Variants in GABBR2 observed in about 807,000 individuals in gnomAD.
GABBR2 encodes the protein G-protein coupled receptor 51.
A neutral mutation model predicts 105.6 loss-of-function variants in GABBR2; 23 were observed. The observed-to-expected ratio is 0.22, with a 90% CI of 0.16 to 0.31. GABBR2 has a LOEUF of 0.31. Among genes scored for constraint, GABBR2 ranks in the 10% least tolerant of loss-of-function variants. The pLI, the probability that GABBR2 is intolerant of heterozygous loss-of-function variation, is 1.00. For missense variants in GABBR2, 734 were observed against 1,245.5 expected (o/e 0.59, Z 6.18); for synonymous variants, 478 against 499.7 (o/e 0.96, Z 0.58).
At position 98,509,813 on chromosome 9, in the gene GABBR2, C is replaced by T. The variant is rs371459958; in HGVS notation, c.631-13299G>A. Among the ~76,000 whole-genome samples, 24 of 152,192 alleles carry T rather than the reference C, an allele frequency of 1.6e-4. 1 individual carries two copies. Among genetic ancestry groups the T allele is most frequent in the South Asian group, 6.2e-4 (3 of 4,808 alleles). On this transcript the variant is annotated intron_variant, in intron 3 of 18. Transcript: ENST00000259455. ...GTCTGATTGGTGTACCTGAAAGTGA[C>T]GGGGAGAATGGAACCAAGTTGGAAA... is the stretch of plus-strand genomic sequence containing the variant.
At chr9:98,387,045 T>C (rs899998916) in intron 10 of GABBR2, among the ~76,000 whole-genome samples, 1 of 152,070 alleles carries the variant, frequency 6.6e-6, no homozygotes, top group African/African-American at 2.4e-5. Context: ...ACTACTTAGG[T>C]GCCTCAATTC....
rs973243832 is a variant in GABBR2 at position 98,630,211 on chromosome 9, C to A, written c.322-52139G>T. ...AAAGGATCACTGGGTGAGAAGCATC[C>A]AGAGAAGGCAGCCAAGCCCAAATCT... is the stretch of plus-strand genomic sequence containing the variant. On this transcript the variant is annotated intron_variant, in intron 1 of 18. Coordinates refer to ENST00000259455, the MANE Select transcript of GABBR2 (RefSeq NM_005458.8). Among the ~76,000 whole-genome samples, 4 of 152,252 alleles carry A rather than the reference C, an allele frequency of 2.6e-5. No homozygotes were observed. In the South Asian group the frequency reaches 8.3e-4, roughly 32 times the overall value.
chr9:98,589,741 A>C (rs1829121980), intron 1 of GABBR2, among the ~76,000 whole-genome samples: 1 of 134,484 alleles, frequency 7.4e-6, no homozygotes, highest in African/African-American at 2.8e-5. Flanking sequence ...TAAAGACAGG[A>C]TCTCCCTCTG....
intron 8 of GABBR2, 84 bp downstream of exon 8, chr9:98,405,997 C>A: frequency 1.3e-6 from 1 of 792,264 alleles, no homozygotes; most frequent in Non-Finnish European, 2.2e-6. Context: ...CACTTGCATT[C>A]CTTTTGATGT....
intron 1 of GABBR2, among the ~76,000 whole-genome samples, chr9:98,638,658 C>A (rs1310172755): frequency 1.3e-5 from 2 of 151,986 alleles, no homozygotes; most frequent in Admixed American, 6.6e-5. Context: ...TAGGATTAAA[C>A]AAGTTTTATT....
chr9:98,694,245 A>G (rs528254866), intron 1 of GABBR2, among the ~76,000 whole-genome samples: 2 of 152,276 alleles, frequency 1.3e-5, no homozygotes, highest in African/African-American at 4.8e-5. Flanking sequence ...TTTGAGGTCT[A>G]GGCCCCGCTG....
intron 3 of GABBR2, among the ~76,000 whole-genome samples, chr9:98,534,679 C>A (rs1588216317): frequency 6.6e-6 from 1 of 152,168 alleles, no homozygotes; most frequent in African/African-American, 2.4e-5. Context: ...AACAAGATAC[C>A]ACTGCACATC....
intron 7 of GABBR2, among the ~76,000 whole-genome samples, chr9:98,444,879 G>GCA (rs34280193): frequency 0.011 from 1,698 of 151,038 alleles, 10 homozygotes; most frequent in South Asian, 0.021. Context: ...GCGCGCGCGC[G>GCA]CACACACACA....
At chr9:98,500,826 A>C (rs1827383497) in intron 3 of GABBR2, among the ~76,000 whole-genome samples, 2 of 152,174 alleles carry the variant, frequency 1.3e-5, no homozygotes, top group Admixed American at 1.3e-4. Context: ...TGCACCAGTA[A>C]CACCAGCACC....
At chr9:98,349,341 G>A (rs1192240340) in intron 13 of GABBR2, among the ~76,000 whole-genome samples, 1 of 101,544 alleles carries the variant, frequency 9.8e-6, no homozygotes, top group Non-Finnish European at 2.0e-5. Context: ...ATATTTTGTT[G>A]AAGTTTTGTT....
chr9:98,406,240 C>T (rs983331540), intron 7 of GABBR2, 99 bp from the exon 8 acceptor site: 4 of 629,628 alleles, frequency 6.4e-6, no homozygotes, highest in East Asian at 6.1e-5. Context: ...CTGTACAATG[C>T]GATTATTAAT....
intron 7 of GABBR2, among the ~76,000 whole-genome samples, chr9:98,438,223 A>G (rs1289101154): frequency 2.6e-5 from 4 of 151,790 alleles, no homozygotes; most frequent in African/African-American, 9.7e-5. Context: ...ATCCATCTAT[A>G]TCTATACACC....
At chr9:98,606,756 A>T (rs1829428949) in intron 1 of GABBR2, 1 of 276,550 alleles carries the variant, frequency 3.6e-6, no homozygotes, top group South Asian at 3.9e-5. Flanking sequence ...CTGGGATTAC[A>T]GGCATGAGCC....
intron 13 of GABBR2, among the ~76,000 whole-genome samples, chr9:98,343,768 G>A (rs1360959733): frequency 6.6e-6 from 1 of 152,094 alleles, no homozygotes; most frequent in Non-Finnish European, 1.5e-5. Context: ...TGAGGCAGGA[G>A]AATGTCGTGA....
At chr9:98,323,201 T>C (rs1830855869) in intron 13 of GABBR2, among the ~76,000 whole-genome samples, 1 of 152,200 alleles carries the variant, frequency 6.6e-6, no homozygotes, top group African/African-American at 2.4e-5. Flanking sequence ...CTTCCAACAG[T>C]GTGCCCTGGT....
intron 4 of GABBR2, among the ~76,000 whole-genome samples, chr9:98,488,909 T>C (rs79388309): frequency 6.6e-6 from 1 of 152,344 alleles, no homozygotes; most frequent in East Asian, 1.9e-4. Context: ...AGGCAAGTTA[T>C]TAAACTTTCG....
At chr9:98,661,876 A>G (rs1476527192) in intron 1 of GABBR2, among the ~76,000 whole-genome samples, 2 of 152,180 alleles carry the variant, frequency 1.3e-5, no homozygotes, top group Admixed American at 6.5e-5. Context: ...AGCAGCCGGC[A>G]TCCAGTGTGG....
intron 8 of GABBR2, among the ~76,000 whole-genome samples, chr9:98,397,179 G>A (rs752299228): frequency 6.6e-6 from 1 of 152,176 alleles, no homozygotes; most frequent in Non-Finnish European, 1.5e-5. Flanking sequence ...CTGCATGCCA[G>A]GCTCAGCTCA....
chr9:98,378,190 C>T (rs572753343), intron 11 of GABBR2, among the ~76,000 whole-genome samples: 37 of 152,314 alleles, frequency 2.4e-4, no homozygotes, highest in Non-Finnish European at 4.9e-4. Context: ...GCAGCCTTTA[C>T]CTTTCTAGTT....
Sources: allele counts gnomAD v4.1 joint callset (sites outside exome capture counted in the v4.1 genomes callset), GRCh38; gene constraint gnomAD v4.1.1; transcripts MANE v1.5; gene names NCBI Gene and HGNC (gene_info 2026-07-23, HGNC 2026-07-21).